Variants in HSPD1 observed in about 807,000 individuals in gnomAD.
HSPD1 encodes the protein heat shock protein family D (Hsp60) member 1.
In HSPD1, 3 loss-of-function variants were observed where a neutral mutation model predicts 53.0. The observed-to-expected ratio is 0.06, with a 90% CI of 0.03 to 0.15. HSPD1 has a LOEUF of 0.15. Among genes scored for constraint, HSPD1 ranks in the 10% least tolerant of loss-of-function variants. The probability of loss-of-function intolerance (pLI) is 1.00; values close to 1 mark genes in which losing one functional copy is unlikely to be tolerated. For missense variants in HSPD1, 431 were observed against 694.1 expected (o/e 0.62, Z 4.26); for synonymous variants, 200 against 228.0 (o/e 0.88, Z 1.10).
At chr2:197,494,491 G>A (rs1023858735) in intron 5 of HSPD1, 166 bp downstream of exon 5, 30 of 638,316 alleles carry the variant, frequency 4.7e-5, no homozygotes, top group African/African-American at 1.1e-4. Flanking sequence ...AACACAGTAA[G>A]TACTTTATTC....
intron 10 of HSPD1, 88 bp from the exon 11 acceptor site, chr2:197,488,124 A>T: frequency 9.3e-7 from 1 of 1,071,342 alleles, no homozygotes; most frequent in Non-Finnish European, 1.4e-6. Flanking sequence ...GATGTAGGGA[A>T]ATCCCAATCC....
intron 5 of HSPD1, 43 bp from the exon 6 acceptor site, chr2:197,494,293 A>G (rs2106076495): frequency 2.1e-6 from 2 of 966,860 alleles, no homozygotes; most frequent in East Asian, 4.8e-5. Flanking sequence ...TTCATTGAAC[A>G]CAAAACATGG....
Position 197,487,899 on chromosome 2 carries a change from A to G in HSPD1, c.1528T>C (p.Phe510Leu). The G allele has an allele frequency of 6.2e-7, 1 of 1,613,836 alleles. No individual in the cohort carries two copies. Among genetic ancestry groups the G allele is most frequent in the Non-Finnish European group, 8.5e-7 (1 of 1,179,778 alleles). ...EVGYDAMAGD[F>L]VNMVEKGIID... Reference sequence around the variant, plus strand: ...ATTCCTTTTTCCACCATATTCACAAAATCTCCAGCCATAGCATCATAACCA... The same window carrying G: ...ATTCCTTTTTCCACCATATTCACAAGATCTCCAGCCATAGCATCATAACCA... The change falls in exon 11 of 12, where the codon TTT becomes CTT. Residue 510 changes from phenylalanine to leucine, a missense_variant. Around this residue, in one of 2 missense-constraint regions of HSPD1, gnomAD observed 386 missense variants for 657.6 expected, o/e 0.59. Coordinates refer to ENST00000388968, the MANE Select transcript of HSPD1 (RefSeq NM_002156.5).
intron 7 of HSPD1, 106 bp from the exon 8 acceptor site, chr2:197,490,402 G>T: frequency 1.2e-6 from 1 of 829,778 alleles, no homozygotes. Context: ...AAGTAATCTG[G>T]TTTGGTTTTT....
chr2:197,497,182 C>G lies in HSPD1; in HGVS notation c.385G>C (p.Glu129Gln). 4 of 1,614,102 alleles carry G rather than the reference C, an allele frequency of 2.5e-6. No individual in the cohort carries two copies. Among genetic ancestry groups the G allele is most frequent in the Non-Finnish European group, 3.4e-6 (4 of 1,179,936 alleles). Residue 129 changes from glutamate to glutamine, a missense_variant, in exon 3 of 12, where the codon GAG becomes CAG. Transcript: ENST00000388968. The stretch of plus-strand genomic sequence containing the variant: ...GGATTAGCACCTTTGCTAATCTTCT[C>G]GAAGCCTTCCTTGGCTATAGAGCGT... ...LARSIAKEGF[E>Q]KISKGANPVE...
Position 197,486,783 on chromosome 2 carries a change from A to G in HSPD1, c.*263T>C, listed in dbSNP as rs1443793081. The G allele has an allele frequency of 4.4e-6, 2 of 455,886 alleles. No individual in the cohort carries two copies. The highest frequency in any genetic ancestry group is 8.1e-6 in the Non-Finnish European group (2 of 247,084). 28.2% of individuals were successfully genotyped at this position (455,886 alleles called of 1,614,324 possible). A position where few individuals can be genotyped will look rare whatever the true frequency, so the allele number is the denominator to read the frequency against. ...TAAGTTGAAAGCAGTACACTGGTAC[A>G]TGGCTCTTGTACCCAGTATCAGGAA... On this transcript the variant is annotated 3_prime_UTR_variant, in exon 12 of 12. Coordinates refer to ENST00000388968, the MANE Select transcript of HSPD1 (RefSeq NM_002156.5).
At position 197,487,037 on chromosome 2, in the gene HSPD1, G is replaced by A; in HGVS notation, c.*9C>T. 7.8e-7 allele frequency: 1 copy of A among 1,278,720 alleles called. No homozygotes were observed. The highest frequency in any genetic ancestry group is 1.1e-6 in the Non-Finnish European group (1 of 874,628). 79.2% of individuals were successfully genotyped at this position (1,278,720 alleles called of 1,614,324 possible). The stretch of plus-strand genomic sequence containing the variant: ...GTTCATTAATAAAGGTAAAGCACTA[G>A]TCTAGGAGTTAGAACATGCCACCTC... On this transcript the variant is annotated 3_prime_UTR_variant, in exon 12 of 12. Coordinates refer to ENST00000388968, the MANE Select transcript of HSPD1 (RefSeq NM_002156.5).
chr2:197,490,462 GAC>G (rs1253925820), intron 7 of HSPD1, 166 bp from the exon 8 acceptor site: 3 of 628,780 alleles, frequency 4.8e-6, no homozygotes, highest in Non-Finnish European at 8.5e-6. Context: ...ATCAAATTAA[GAC>G]AGGAAGTATC....
intron 1 of HSPD1, 61 bp downstream of exon 1, chr2:197,499,721 G>A (rs1032049594): frequency 1.3e-5 from 2 of 151,894 alleles, no homozygotes; most frequent in Non-Finnish European, 1.5e-5. Flanking sequence ...GACCGCAGAG[G>A]AGGAAGGCCC....
chr2:197,498,972 C>G, intron 1 of HSPD1, 122 bp from the exon 2 acceptor site: 2 of 880,764 alleles, frequency 2.3e-6, no homozygotes, highest in Non-Finnish European at 3.7e-6. Context: ...CCTCCGCCAG[C>G]CACTACGCCT....
chr2:197,495,472 T>A (rs903752553), intron 3 of HSPD1, 96 bp from the exon 4 acceptor site: 1 of 921,260 alleles, frequency 1.1e-6, no homozygotes, highest in Admixed American at 2.2e-5. Flanking sequence ...TTTTAATGCC[T>A]TAACTTAAAA....
Position 197,488,405 on chromosome 2 carries a change from T to G in HSPD1, c.1302A>C (p.Glu434Asp). The change falls in exon 10 of 12, where the codon GAA becomes GAC. Residue 434 changes from glutamate (E) to aspartate (D), a missense_variant. By Grantham distance (45) the Glu-to-Asp change is conservative. This residue lies in a region of HSPD1 where 386 missense variants were observed against 657.6 expected (regional missense o/e 0.59). Coordinates refer to ENST00000388968, the MANE Select transcript of HSPD1 (RefSeq NM_002156.5). ...CACAACCCCCTCCCAAAACAATGCC[T>G]TCTTCAACAGCAGCTCTTGTAGCAT... Reference protein sequence around the residue: ...ALNATRAAVEEGIVLGGGCAL... With the variant: ...ALNATRAAVEDGIVLGGGCAL... The G allele has an allele frequency of 6.2e-7, 1 of 1,613,830 alleles. No homozygotes were observed. Among genetic ancestry groups the G allele is most frequent in the Non-Finnish European group, 8.5e-7 (1 of 1,179,708 alleles).
At chr2:197,488,568 T>G (rs1451777266) in intron 9 of HSPD1, 77 bp from the exon 10 acceptor site, 5 of 1,404,634 alleles carry the variant, frequency 3.6e-6, no homozygotes, top group Non-Finnish European at 5.1e-6. Flanking sequence ...AAAAGCAGTT[T>G]ACTTAAAAAG....
intron 8 of HSPD1, among the ~76,000 whole-genome samples, chr2:197,489,959 CA>C (rs2086071219): frequency 1.3e-5 from 2 of 150,356 alleles, no homozygotes; most frequent in South Asian, 4.2e-4. Context: ...CCAAAAAAAA[CA>C]AAAAAAAGGA....
At chr2:197,491,587 T>C (rs1349161975) in intron 7 of HSPD1, among the ~76,000 whole-genome samples, 1 of 152,220 alleles carries the variant, frequency 6.6e-6, no homozygotes, top group African/African-American at 2.4e-5. Flanking sequence ...TGTTAATGTA[T>C]GCATTTCTAC....
chr2:197,495,280 T>G lies in HSPD1; in HGVS notation c.510+14A>C, dbSNP rs753371736. The G allele has an allele frequency of 1.3e-6, 2 of 1,531,716 alleles. No homozygotes were observed. The highest frequency in any genetic ancestry group is 2.7e-5 in the African/African-American group (2 of 73,252). 94.9% of individuals were successfully genotyped at this position (1,531,716 alleles called of 1,614,324 possible). A position where few individuals can be genotyped will look rare whatever the true frequency, so the allele number is the denominator to read the frequency against. ...AATTTTTTTTAAAAAACGTGTAACATGTTAAGTCCTTACCTGTGCAATTTC... is the reference window on the plus strand; with the variant it reads ...AATTTTTTTTAAAAAACGTGTAACAGGTTAAGTCCTTACCTGTGCAATTTC... On this transcript the variant is annotated intron_variant, in intron 4 of 11. Transcript: ENST00000388968.
At position 197,499,365 on chromosome 2, in the gene HSPD1, G is replaced by T. The variant is rs190669670; in HGVS notation, c.-3+417C>A. The T allele has an allele frequency of 4.0e-3, 660 of 164,448 alleles. 3 individuals carry two copies. The highest frequency in any genetic ancestry group is 0.015 in the African/African-American group (631 of 41,462). The allele number at this position is 164,448 out of a possible 1,614,324, so 10.2% of individuals were successfully genotyped here. On this transcript the variant is annotated intron_variant, in intron 1 of 11. Coordinates refer to ENST00000388968, the MANE Select transcript of HSPD1 (RefSeq NM_002156.5). ...CTGGGGGCGGCGGCCCGGCCCACTC[G>T]GCGCGAGCCCACGTGTCCTTCTTTC...
rs776524890 is a variant in HSPD1, at chr2:197,498,802, C to A, written c.47G>T (p.Arg16Met). The A allele has an allele frequency of 6.2e-7, 1 of 1,614,080 alleles. No homozygotes were observed. Among genetic ancestry groups the A allele is most frequent in the Admixed American group, 1.7e-5 (1 of 60,004 alleles). ...CCGAGTGAGATGAGGAGCCAGTACC[C>A]TGGACACCGGTCTCATCTGGCGAAA... ...TVFRQMRPVS[R>M]VLAPHLTRAY... The change falls in exon 2 of 12, where the codon AGG (arginine) becomes ATG (methionine). Residue 16 changes from arginine (R) to methionine (M), a missense_variant. Arg to Met is a moderately conservative substitution (Grantham distance 91). Coordinates refer to ENST00000388968, the MANE Select transcript of HSPD1 (RefSeq NM_002156.5).
intron 8 of HSPD1, among the ~76,000 whole-genome samples, chr2:197,489,589 G>A (rs911262945): frequency 1.3e-5 from 2 of 152,148 alleles, no homozygotes; most frequent in African/African-American, 4.8e-5. Context: ...ACTGAGCTCG[G>A]TAGCTCATGC....
Sources: allele counts gnomAD v4.1 joint callset (sites outside exome capture counted in the v4.1 genomes callset), GRCh38; gene constraint gnomAD v4.1.1; regional missense constraint gnomAD v4.1.1; transcripts MANE v1.5; gene names NCBI Gene and HGNC (gene_info 2026-07-23, HGNC 2026-07-21).